The following GALNTL6 variants were observed in gnomAD, a reference collection of about 807,000 sequenced individuals.
GALNTL6 encodes the protein polypeptide N-acetylgalactosaminyltransferase like 6.
A neutral mutation model predicts 73.7 loss-of-function variants in GALNTL6; 46 were observed. That is an observed-to-expected ratio of 0.62 (90% CI 0.49 to 0.80). GALNTL6 has a LOEUF of 0.80. GALNTL6 is among the 30% of genes least tolerant of loss of function. The pLI is 0.00. For missense variants in GALNTL6, 604 were observed against 755.0 expected, an observed-to-expected ratio of 0.80 and a Z score of 2.34; for synonymous variants, 259 against 263.7, an observed-to-expected ratio of 0.98 and a Z score of 0.17.
intron 2 of GALNTL6, among the ~76,000 whole-genome samples, chr4:172,159,516 T>G (rs1015199233): frequency 4.6e-5 from 7 of 152,174 alleles, no homozygotes; most frequent in Non-Finnish European, 1.0e-4. Context: ...TAAGCTGACA[T>G]TTCAAACATG....
At chr4:172,410,609 A>G (rs1744397225) in intron 5 of GALNTL6, among the ~76,000 whole-genome samples, 3 of 152,100 alleles carry the variant, frequency 2.0e-5, no homozygotes, top group East Asian at 1.9e-4. Context: ...AAGTTATTCA[A>G]TGAAGTAATT....
At chr4:172,878,680 T>C (rs1745309361) in intron 7 of GALNTL6, among the ~76,000 whole-genome samples, 1 of 151,216 alleles carries the variant, frequency 6.6e-6, no homozygotes, top group Non-Finnish European at 1.5e-5. Context: ...TTATGAAAAA[T>C]ATTCGGTTAA....
At chr4:172,420,041 A>G (rs906676770) in intron 5 of GALNTL6, among the ~76,000 whole-genome samples, 12 of 152,192 alleles carry the variant, frequency 7.9e-5, no homozygotes, top group African/African-American at 2.4e-4. Flanking sequence ...TAAACTTTGG[A>G]TATCGTACCA....
intron 10 of GALNTL6, among the ~76,000 whole-genome samples, chr4:172,959,993 T>C (rs907906793): frequency 1.3e-5 from 2 of 152,194 alleles, no homozygotes; most frequent in Non-Finnish European, 2.9e-5. Context: ...CTCTACTCTA[T>C]TATTGTACAC....
chr4:171,885,576 C>G (rs114840104), intron 2 of GALNTL6, among the ~76,000 whole-genome samples: 1,866 of 152,210 alleles, frequency 0.012, 41 homozygotes, highest in African/African-American at 0.042. Context: ...GAGGCCAAAG[C>G]AGGAGGATTG....
intron 2 of GALNTL6, among the ~76,000 whole-genome samples, chr4:172,056,138 T>A (rs1731012846): frequency 6.6e-6 from 1 of 152,194 alleles, no homozygotes; most frequent in Admixed American, 6.5e-5. Context: ...CTTAAAATTC[T>A]GACACTTAAC....
chr4:171,814,966 T>C, intron 2 of GALNTL6: 1 of 560,750 alleles, frequency 1.8e-6, no homozygotes. Context: ...GAAGATAATC[T>C]TTCACCATTG....
chr4:172,046,487 A>G (rs997609177), intron 2 of GALNTL6, among the ~76,000 whole-genome samples: 5 of 152,128 alleles, frequency 3.3e-5, no homozygotes, highest in African/African-American at 4.8e-5. Flanking sequence ...CATTTTCACT[A>G]GTTGTATACA....
chr4:171,862,834 T>G (rs1735869762), intron 2 of GALNTL6, among the ~76,000 whole-genome samples: 1 of 152,268 alleles, frequency 6.6e-6, no homozygotes, highest in Admixed American at 6.5e-5. Flanking sequence ...GTCATTTATT[T>G]TATTAGCCCC....
chr4:172,569,281 A>G (rs1173882889), intron 5 of GALNTL6, among the ~76,000 whole-genome samples: 1 of 152,106 alleles, frequency 6.6e-6, no homozygotes, highest in African/African-American at 2.4e-5. Flanking sequence ...TCTTCACATG[A>G]TGGAAAGGGC....
At chr4:172,553,118 G>A (rs1327510716) in intron 5 of GALNTL6, among the ~76,000 whole-genome samples, 1 of 152,074 alleles carries the variant, frequency 6.6e-6, no homozygotes, top group Admixed American at 6.6e-5. Flanking sequence ...TATATACCAA[G>A]CTAAATCATA....
intron 7 of GALNTL6, among the ~76,000 whole-genome samples, chr4:172,832,470 A>G (rs1204817147): frequency 6.6e-6 from 1 of 152,206 alleles, no homozygotes; most frequent in East Asian, 1.9e-4. Flanking sequence ...TACCAGGAAG[A>G]AACCCAAATT....
In GALNTL6 at chr4:171,981,596, GT is replaced by G. The variant is rs796693435; in HGVS notation, c.138+166886del. Among the ~76,000 whole-genome samples, 12 of 152,054 alleles carry G rather than the reference GT, an allele frequency of 7.9e-5. No homozygotes were observed. The East Asian group carries it at 1.5e-3, about 20-fold the overall frequency. ...TTGGCTTAGTGATTTGGGGGTCTGA[GT>G]TTTTTTTATTCTTTCACAAGATCTT... On this transcript the variant is annotated intron_variant, in intron 2 of 12. Transcript: ENST00000506823.
chr4:172,219,990 C>T (rs182715218), intron 2 of GALNTL6, among the ~76,000 whole-genome samples: 3 of 151,942 alleles, frequency 2.0e-5, no homozygotes, highest in Admixed American at 6.6e-5. Context: ...TTATATTTTA[C>T]ATTCAGCCAG....
At chr4:172,706,098 A>G (rs1403339777) in intron 5 of GALNTL6, among the ~76,000 whole-genome samples, 1 of 152,100 alleles carries the variant, frequency 6.6e-6, no homozygotes, top group Admixed American at 6.6e-5. Flanking sequence ...GTTAAAGACC[A>G]ATGACTCAGA....
chr4:172,881,542 G>A (rs1745450463), intron 7 of GALNTL6, among the ~76,000 whole-genome samples: 1 of 152,124 alleles, frequency 6.6e-6, no homozygotes, highest in African/African-American at 2.4e-5. Context: ...CACTTAGACA[G>A]ATTCAGGTTT....
At chr4:172,231,229 CT>C (rs1481170156) in intron 3 of GALNTL6, among the ~76,000 whole-genome samples, 88 of 152,190 alleles carry the variant, frequency 5.8e-4, no homozygotes, top group African/African-American at 2.1e-3. Context: ...CTTGTTTCTC[CT>C]TATGACCCCA....
At chr4:172,359,570 T>C (rs1742292092) in intron 5 of GALNTL6, among the ~76,000 whole-genome samples, 1 of 152,192 alleles carries the variant, frequency 6.6e-6, no homozygotes, top group African/African-American at 2.4e-5. Flanking sequence ...TGAATCAGAC[T>C]TGGTTTGTTA....
intron 5 of GALNTL6, among the ~76,000 whole-genome samples, chr4:172,554,361 T>C (rs1412931995): frequency 6.6e-6 from 1 of 152,184 alleles, no homozygotes; most frequent in Non-Finnish European, 1.5e-5. Context: ...AAAATAATTC[T>C]ACCAGGAGCT....
Sources: allele counts gnomAD v4.1 joint callset (sites outside exome capture counted in the v4.1 genomes callset), GRCh38; gene constraint gnomAD v4.1.1; transcripts MANE v1.5; gene names NCBI Gene and HGNC (gene_info 2026-07-23, HGNC 2026-07-21).